The following CDKAL1 variants were observed in gnomAD, a reference collection of about 807,000 sequenced individuals.
CDKAL1 encodes CDKAL1 threonylcarbamoyladenosine tRNA methylthiotransferase.
CDKAL1 carries 32 observed loss-of-function variants against 68.2 expected under a neutral mutation model. That is an observed-to-expected ratio of 0.47 (90% confidence interval 0.35 to 0.63). The LOEUF (loss-of-function observed/expected upper bound fraction) is 0.63, where lower values mean the gene tolerates loss of function less well. Among genes scored for constraint, CDKAL1 ranks in the 30% least tolerant of loss-of-function variants. CDKAL1 has a pLI of 0.00. For missense variants in CDKAL1, 606 were observed against 696.7 expected, an observed-to-expected ratio of 0.87 and a Z score of 1.47; for synonymous variants, 234 against 244.3, an observed-to-expected ratio of 0.96 and a Z score of 0.39.
At chr6:20,925,359 G>A (rs1763140188) in intron 9 of CDKAL1, among the ~76,000 whole-genome samples, 1 of 152,136 alleles carries the variant, frequency 6.6e-6, no homozygotes, top group South Asian at 2.1e-4. Flanking sequence ...TCATTTTATT[G>A]TGCTATTTGC....
rs575170977 is a variant in CDKAL1, at chr6:20,590,759, A to G, written c.286+42054A>G. Among the ~76,000 whole-genome samples, 248 of 152,214 alleles carry G rather than the reference A, an allele frequency of 1.6e-3. 1 individual carries two copies. The highest frequency in any genetic ancestry group is 5.3e-3 in the African/African-American group (220 of 41,522). Reference sequence around the variant, plus strand: ...ATTTTCTTTATCCAATCTATCATTGATGGGCATTTGGGTTGGTTCCTAGTT... The same window carrying G: ...ATTTTCTTTATCCAATCTATCATTGGTGGGCATTTGGGTTGGTTCCTAGTT... On this transcript the variant is annotated intron_variant, in intron 4 of 15. Transcript: ENST00000274695.
intron 9 of CDKAL1, among the ~76,000 whole-genome samples, chr6:20,930,679 GA>G (rs2150672500): frequency 6.6e-6 from 1 of 152,082 alleles, no homozygotes; most frequent in Admixed American, 6.5e-5. Context: ...GGAAGAGTGG[GA>G]AGTGTTTATA....
intron 7 of CDKAL1, among the ~76,000 whole-genome samples, chr6:20,768,448 C>T (rs918214263): frequency 4.6e-5 from 7 of 152,294 alleles, no homozygotes; most frequent in East Asian, 1.9e-4. Context: ...TCTCGCACCC[C>T]GATTTCTATA....
intron 9 of CDKAL1, among the ~76,000 whole-genome samples, chr6:20,887,043 AGATATGAAT>A (rs1454196671): frequency 3.9e-5 from 6 of 152,260 alleles, no homozygotes; most frequent in African/African-American, 1.4e-4. Flanking sequence ...TCAAAAAAGA[AGATATGAAT>A]GACCAAAATG....
At chr6:20,543,198 C>G (rs921644563) in intron 2 of CDKAL1, among the ~76,000 whole-genome samples, 4 of 152,186 alleles carry the variant, frequency 2.6e-5, no homozygotes, top group African/African-American at 9.7e-5. Flanking sequence ...AGTACAATTG[C>G]TGGGTTGCAT....
chr6:20,541,724 G>C lies in CDKAL1; in HGVS notation c.-5-4622G>C, dbSNP rs1343635878. ...TGCCCAGGCTGGAGTGCAATGGCGC[G>C]ATCTCGGCTAACCAAAACCTCTGCC... On this transcript the variant is annotated intron_variant, in intron 2 of 15. Coordinates refer to ENST00000274695, the MANE Select transcript of CDKAL1 (RefSeq NM_017774.3). Among the ~76,000 whole-genome samples, 3 of 152,020 alleles carry C rather than the reference G, an allele frequency of 2.0e-5. No homozygotes were observed. The East Asian group carries it at 5.8e-4, about 29-fold the overall frequency.
intron 10 of CDKAL1, among the ~76,000 whole-genome samples, chr6:20,957,355 A>G (rs1764829251): frequency 6.6e-6 from 1 of 152,212 alleles, no homozygotes; most frequent in Non-Finnish European, 1.5e-5. Context: ...TGCAGCAGCT[A>G]ATACTGTGTG....
chr6:20,855,479 G>C (rs1469369787), intron 9 of CDKAL1, among the ~76,000 whole-genome samples: 3 of 142,022 alleles, frequency 2.1e-5, no homozygotes, highest in African/African-American at 7.9e-5. Context: ...AAAAGAACTT[G>C]CAGACATGTC....
At chr6:20,624,942 A>G (rs907932820) in intron 4 of CDKAL1, among the ~76,000 whole-genome samples, 3 of 152,108 alleles carry the variant, frequency 2.0e-5, no homozygotes, top group Non-Finnish European at 2.9e-5. Context: ...TTTTTGGCAC[A>G]GGTCATATGA....
chr6:21,085,709 A>G (rs1196000617), intron 12 of CDKAL1, among the ~76,000 whole-genome samples: 1 of 152,202 alleles, frequency 6.6e-6, no homozygotes, highest in Non-Finnish European at 1.5e-5. Context: ...AAGAGAATTC[A>G]ACTGTATAAT....
chr6:21,066,143 A>T (rs1183366016), intron 12 of CDKAL1, among the ~76,000 whole-genome samples: 2 of 152,120 alleles, frequency 1.3e-5, no homozygotes, highest in South Asian at 2.1e-4. Flanking sequence ...CAAACACAAC[A>T]TATATATTCT....
intron 10 of CDKAL1, among the ~76,000 whole-genome samples, chr6:20,968,533 C>G (rs1334411040): frequency 6.6e-6 from 1 of 151,964 alleles, no homozygotes; most frequent in Non-Finnish European, 1.5e-5. Flanking sequence ...CCTTTCTTTC[C>G]TTTCCTAGAA....
intron 9 of CDKAL1, among the ~76,000 whole-genome samples, chr6:20,902,067 C>T (rs1435960027): frequency 2.8e-5 from 4 of 141,858 alleles, no homozygotes; most frequent in Non-Finnish European, 6.4e-5. Context: ...TGTCCGTCTA[C>T]AGTAACCACT....
chr6:20,889,963 A>G (rs993743449), intron 9 of CDKAL1, among the ~76,000 whole-genome samples: 2 of 152,166 alleles, frequency 1.3e-5, no homozygotes, highest in African/African-American at 4.8e-5. Context: ...TGTGTTGACC[A>G]GGCTGGTCTC....
At chr6:21,089,854 A>C (rs375337209) in intron 12 of CDKAL1, among the ~76,000 whole-genome samples, 2 of 152,242 alleles carry the variant, frequency 1.3e-5, no homozygotes, top group South Asian at 2.1e-4. Context: ...ATTCCTATAT[A>C]GTGAGATTTG....
chr6:21,004,315 A>G (rs922678347), intron 11 of CDKAL1, among the ~76,000 whole-genome samples: 1 of 152,328 alleles, frequency 6.6e-6, no homozygotes, highest in East Asian at 1.9e-4. Flanking sequence ...CTGGTTCATT[A>G]TTCTCTTCAG....
chr6:21,177,494 T>G (rs1223294029), intron 13 of CDKAL1, among the ~76,000 whole-genome samples: 1 of 152,182 alleles, frequency 6.6e-6, no homozygotes, highest in Admixed American at 6.5e-5. Context: ...AAGCCTCAGT[T>G]TATGAGTTTT....
rs1775572868 is a variant in CDKAL1 at position 20,784,412 on chromosome 6, C to CTTTTCTTT, written c.638+3151_638+3152insCTTTTTTT. Among the ~76,000 whole-genome samples, 5 of 33,494 alleles carry CTTTTCTTT rather than the reference C, an allele frequency of 1.5e-4. 1 individual carries two copies. The highest frequency in any genetic ancestry group is 5.8e-4 in the African/African-American group (5 of 8,562). 22.0% of individuals were successfully genotyped at this position (33,494 alleles called of 152,430 possible). ...TTTTTTTCTTCCAGATATTTTATTT[C>CTTTTCTTT]TTTTTTTTTTTTTTTTTTTTTTTTT... On this transcript the variant is annotated intron_variant, in intron 8 of 15. Transcript: ENST00000274695.
intron 12 of CDKAL1, among the ~76,000 whole-genome samples, chr6:21,077,970 G>C (rs941069615): frequency 2.6e-5 from 4 of 152,174 alleles, no homozygotes; most frequent in African/African-American, 9.7e-5. Context: ...AAAGGTCAGA[G>C]TGATAAGCTC....
Sources: gnomAD v4.1 joint callset for allele counts (sites outside exome capture counted in the v4.1 genomes callset) on GRCh38, gnomAD v4.1.1 for gene constraint, MANE v1.5 for transcripts, NCBI Gene and HGNC (gene_info 2026-07-23, HGNC 2026-07-21) for gene names.